SLC12A3: variants seen among roughly 807,000 people sequenced by gnomAD.
SLC12A3 encodes the protein solute carrier family 12 member 3.
SLC12A3 carries 104 observed loss-of-function variants against 121.0 expected under a neutral mutation model. The observed-to-expected ratio is 0.86, with a 90% CI of 0.73 to 1.01. The LOEUF (loss-of-function observed/expected upper bound fraction) is 1.01, where lower values mean the gene tolerates loss of function less well. Ranked by LOEUF, SLC12A3 falls within the 50% of genes least tolerant of loss-of-function variation. The pLI is 0.00. For missense variants in SLC12A3, 1,328 were observed against 1,356.3 expected (o/e 0.98, Z 0.33); for synonymous variants, 536 against 533.4 (o/e 1.00, Z -0.07).
chr16:56,911,018 C>T (rs2055677605), intron 25 of SLC12A3, among the ~76,000 whole-genome samples: 1 of 152,212 alleles, frequency 6.6e-6, no homozygotes. Context: ...GGGGAGGGAA[C>T]TCCATGCTGA....
At chr16:56,912,592 G>A (rs79326949) in intron 25 of SLC12A3, among the ~76,000 whole-genome samples, 258 of 152,324 alleles carry the variant, frequency 1.7e-3, no homozygotes, top group Non-Finnish European at 3.1e-3. Flanking sequence ...GGGAAGGGTC[G>A]CCCACTTAAC....
chr16:56,905,781 A>G (rs1367955347), intron 25 of SLC12A3, among the ~76,000 whole-genome samples: 1 of 152,174 alleles, frequency 6.6e-6, no homozygotes, highest in Non-Finnish European at 1.5e-5. Context: ...CAGTGGTGGA[A>G]AGGAGGAGGG....
At chr16:56,880,353 C>T (rs945459763) in intron 12 of SLC12A3, 100 bp downstream of exon 12, 15 of 1,429,994 alleles carry the variant, frequency 1.0e-5, no homozygotes, top group African/African-American at 7.1e-5. Flanking sequence ...CTCATCTCCC[C>T]GCCGGGCCTG....
chr16:56,887,658 G>A (rs1458957871), intron 17 of SLC12A3, among the ~76,000 whole-genome samples: 2 of 151,578 alleles, frequency 1.3e-5, no homozygotes, highest in Admixed American at 1.3e-4. Context: ...GATGTAGGGT[G>A]TTGGTGACCA....
intron 20 of SLC12A3, 122 bp from the exon 21 acceptor site, chr16:56,892,831 C>T: frequency 2.7e-6 from 2 of 751,224 alleles, no homozygotes; most frequent in South Asian, 3.0e-5. Context: ...GGCCCCGGTT[C>T]CTGTTCCACC....
intron 23 of SLC12A3, 143 bp downstream of exon 23, chr16:56,899,759 C>T (rs1596945549): frequency 5.6e-6 from 4 of 711,414 alleles, no homozygotes; most frequent in Non-Finnish European, 1.0e-5. Context: ...GAGGGCACAA[C>T]TTCTGCAGTG....
In SLC12A3 at chr16:56,887,973, A is replaced by G; in HGVS notation, c.2227A>G (p.Lys743Glu). ...MKPNILVVGF[K>E]KNWQSAHPAT... is the part of the protein sequence containing the mutation. ...GCCCAACATTCTGGTGGTTGGGTTC[A>G]AGAAGAACTGGCAGTCGGCTCACCC... Residue 743 changes from lysine to glutamate, a missense_variant, in exon 18 of 26, where the codon AAG becomes GAG. Lys to Glu is a moderately conservative substitution (Grantham distance 56). Transcript: ENST00000563236. 1.2e-6 allele frequency: 2 copies of G among 1,612,736 alleles called. No individual in the cohort carries two copies. The highest frequency in any genetic ancestry group is 1.7e-6 in the Non-Finnish European group (2 of 1,179,274).
chr16:56,872,929 C>T lies in SLC12A3; in HGVS notation c.1095+143C>T. 3.9e-6 allele frequency: 4 copies of T among 1,023,734 alleles called. No individual in the cohort carries two copies. In the South Asian group the frequency reaches 5.4e-5, roughly 14 times the overall value. The allele number at this position is 1,023,734 out of a possible 1,614,324, so 63.4% of individuals were successfully genotyped here. ...CAGTCCAGTCCAACTCAGCTCAGTT[C>T]AACCCAATCCAACCGATTCCATTCC... is the stretch of plus-strand genomic sequence containing the variant. On this transcript the variant is annotated intron_variant, in intron 8 of 25. Coordinates refer to ENST00000563236, the MANE Select transcript of SLC12A3 (RefSeq NM_001126108.2).
chr16:56,895,201 T>TTTTTTC, intron 22 of SLC12A3, among the ~76,000 whole-genome samples: 1 of 145,538 alleles, frequency 6.9e-6, no homozygotes, highest in Non-Finnish European at 1.5e-5. Context: ...AATTTTTTTT[T>TTTTTTC]TTTTTTTTGA....
At chr16:56,912,132 A>G (rs563223784) in intron 25 of SLC12A3, among the ~76,000 whole-genome samples, 30 of 152,284 alleles carry the variant, frequency 2.0e-4, no homozygotes, top group Admixed American at 9.1e-4. Context: ...CCCATTCCCC[A>G]GGGGGATGTA....
Position 56,897,677 on chromosome 16 carries a change from C to G in SLC12A3, c.2634-1853C>G, listed in dbSNP as rs77059324. On this transcript the variant is annotated intron_variant, in intron 22 of 25. Transcript: ENST00000563236. Reference sequence around the variant, plus strand: ...TCCCTGTCCTGGCTCTGAATGGAAGCTGGGTTCAGTAGGTTTGGTATAGCT... The same window carrying G: ...TCCCTGTCCTGGCTCTGAATGGAAGGTGGGTTCAGTAGGTTTGGTATAGCT... Among the ~76,000 whole-genome samples the G allele has an allele frequency of 7.2e-3, 1,091 of 152,290 alleles. 21 individuals carry two copies. The highest frequency in any genetic ancestry group is 0.025 in the African/African-American group (1,042 of 41,548).
chr16:56,904,758 T>C (rs2055585038), intron 25 of SLC12A3: 2 of 403,006 alleles, frequency 5.0e-6, no homozygotes, highest in Admixed American at 3.6e-5. Flanking sequence ...AAATTCCACT[T>C]GGCAAAGAGG....
Position 56,892,144 on chromosome 16 carries a change from A to G in SLC12A3, c.2419+11A>G. On this transcript the variant is annotated intron_variant, in intron 20 of 25. Transcript: ENST00000563236. ...AAGCCAGCGCCAGAGGTGCCAGGCC[A>G]TCAGTCTCTGGCGCTTGTCAGTGTT... is the stretch of plus-strand genomic sequence containing the variant. 2 of 1,613,238 alleles carry G rather than the reference A, an allele frequency of 1.2e-6. No individual in the cohort carries two copies. The highest frequency in any genetic ancestry group is 1.7e-6 in the Non-Finnish European group (2 of 1,179,294).
At chr16:56,902,101 G>A in intron 23 of SLC12A3, 1 of 485,610 alleles carries the variant, frequency 2.1e-6, no homozygotes, top group Non-Finnish European at 3.8e-6. Context: ...CACAGAGCCT[G>A]GTACAGAATC....
At chr16:56,870,572 G>C (rs2055079447) in intron 5 of SLC12A3, 54 bp from the exon 6 acceptor site, 1 of 1,207,240 alleles carries the variant, frequency 8.3e-7, no homozygotes, top group African/African-American at 1.5e-5. Flanking sequence ...GCAGAGTCTG[G>C]GGGATGGGGA....
intron 21 of SLC12A3, among the ~76,000 whole-genome samples, chr16:56,894,037 T>C (rs1210512775): frequency 2.6e-5 from 4 of 151,174 alleles, no homozygotes; most frequent in African/African-American, 7.3e-5. Flanking sequence ...GGAGTCTCAC[T>C]CTGTTGCCCA....
At chr16:56,885,888 C>T (rs2055304486) in intron 15 of SLC12A3, among the ~76,000 whole-genome samples, 1 of 152,194 alleles carries the variant, frequency 6.6e-6, no homozygotes, top group South Asian at 2.1e-4. Flanking sequence ...AACACTGAGG[C>T]ACAGAGAGGT....
At chr16:56,909,909 T>C (rs760125326) in intron 25 of SLC12A3, among the ~76,000 whole-genome samples, 85 of 152,344 alleles carry the variant, frequency 5.6e-4, no homozygotes, top group Non-Finnish European at 8.8e-4. Context: ...ACTTGATTGA[T>C]TGCTGTTCAC....
chr16:56,889,868 A>G (rs2055365789), intron 18 of SLC12A3, among the ~76,000 whole-genome samples: 1 of 152,204 alleles, frequency 6.6e-6, no homozygotes, highest in Admixed American at 6.5e-5. Flanking sequence ...ATGTGATTCT[A>G]ATCCCAGCTG....
Sources: gnomAD v4.1 joint callset for allele counts (sites outside exome capture counted in the v4.1 genomes callset) on GRCh38, gnomAD v4.1.1 for gene constraint, MANE v1.5 for transcripts, NCBI Gene and HGNC (gene_info 2026-07-23, HGNC 2026-07-21) for gene names.